TBL2: variants seen among roughly 807,000 people sequenced by gnomAD.
TBL2 encodes transducin beta like 2, also known as transducin beta-like protein 2.
A neutral mutation model predicts 41.8 loss-of-function variants in TBL2; 33 were observed. The ratio of observed to expected loss-of-function variants is 0.79; its 90% CI spans 0.60 to 1.06. The LOEUF is 1.06. Among genes scored for constraint, TBL2 ranks in the 50% least tolerant of loss-of-function variants. The pLI is 0.00. For synonymous variants in TBL2, 239 were observed against 241.7 expected (o/e 0.99, Z 0.10); for missense variants, 522 against 603.8 (o/e 0.86, Z 1.42).
chr7:73,578,248 G>A (rs1793463893), intron 1 of TBL2, 172 bp downstream of exon 1: 6 of 1,531,708 alleles, frequency 3.9e-6, no homozygotes, highest in Admixed American at 2.0e-5. Context: ...CGCCTAACCC[G>A]GCAAGGCGGG....
intron 1 of TBL2, 189 bp downstream of exon 1, chr7:73,578,231 G>A: frequency 6.5e-7 from 1 of 1,529,980 alleles, no homozygotes; most frequent in Non-Finnish European, 8.7e-7. Context: ...TCCCGCCCCA[G>A]GAGGTGCGCC....
chr7:73,574,556 A>G, intron 1 of TBL2, 43 bp from the exon 2 acceptor site: 1 of 1,613,912 alleles, frequency 6.2e-7, no homozygotes, highest in Non-Finnish European at 8.5e-7. Context: ...CTCACTGATA[A>G]GCATTTACTG....
intron 1 of TBL2, 50 bp from the exon 2 acceptor site, chr7:73,574,563 AC>A (rs1554588533): frequency 5.6e-6 from 9 of 1,613,392 alleles, no homozygotes; most frequent in Non-Finnish European, 7.6e-6. Context: ...ATAAGCATTT[AC>A]TGCCCACCTA....
chr7:73,568,746 G>A lies in TBL2; in HGVS notation c.*1761C>T, dbSNP rs923072806. Among the ~76,000 whole-genome samples the A allele has an allele frequency of 1.9e-4, 29 of 152,076 alleles. No individual in the cohort carries two copies. The highest frequency in any genetic ancestry group is 1.2e-3 in the East Asian group (6 of 5,186). On this transcript the variant is annotated 3_prime_UTR_variant, in exon 7 of 7. Transcript: ENST00000305632. ...GTTCGAGAGCAGCCTGGCCAACATC[G>A]TGAAACCCTGTCTCTACTAAAAATA...
At chr7:73,573,767 C>T in intron 3 of TBL2, 171 bp downstream of exon 3, 1 of 842,876 alleles carries the variant, frequency 1.2e-6, no homozygotes. Flanking sequence ...TATAGCAGCC[C>T]AGATCTCCAG....
intron 5 of TBL2, chr7:73,572,070 CA>C (rs1375931053): frequency 6.4e-6 from 1 of 156,386 alleles, no homozygotes; most frequent in Non-Finnish European, 1.4e-5. Context: ...TCTCAAAAAA[CA>C]AACAAACAAC....
intron 1 of TBL2, among the ~76,000 whole-genome samples, chr7:73,577,737 GGACTCAC>G: frequency 6.6e-6 from 1 of 152,124 alleles, no homozygotes; most frequent in East Asian, 1.9e-4. Flanking sequence ...TTGAATTCCT[GGACTCAC>G]GACACCCTCC....
In TBL2 at chr7:73,568,445, C is replaced by G. The variant is rs1185668025; in HGVS notation, c.*2062G>C. On this transcript the variant is annotated 3_prime_UTR_variant, in exon 7 of 7. Transcript: ENST00000305632. Reference sequence around the variant, plus strand: ...GGATTCCTGAATAAGTAGCAGCCACCCCCCATCCTGCAGGCAGGACACAAG... The same window carrying G: ...GGATTCCTGAATAAGTAGCAGCCACGCCCCATCCTGCAGGCAGGACACAAG... Among the ~76,000 whole-genome samples the G allele has an allele frequency of 1.3e-5, 2 of 152,098 alleles. No homozygotes were observed. The highest frequency in any genetic ancestry group is 2.9e-5 in the Non-Finnish European group (2 of 68,006).
At chr7:73,578,361 C>T (rs782791307) in intron 1 of TBL2, 59 bp downstream of exon 1, 3 of 1,528,790 alleles carry the variant, frequency 2.0e-6, no homozygotes, top group Non-Finnish European at 2.6e-6. Flanking sequence ...GGTCGGACCA[C>T]GAGGAGGCCG....
In TBL2 at chr7:73,567,648, A is replaced by C. The variant is rs1241386313; in HGVS notation, c.*2859T>G. 1.3e-5 allele frequency among the ~76,000 whole-genome samples: 2 copies of C among 152,228 alleles called. No homozygotes were observed. Among genetic ancestry groups the C allele is most frequent in the Non-Finnish European group, 2.9e-5 (2 of 68,038 alleles). On this transcript the variant is annotated 3_prime_UTR_variant, in exon 7 of 7. Transcript: ENST00000305632. ...TCACATGCAGGATTTTTGATTAAAA[A>C]AAAGAAAAACCTTGGTGGCCTCTGC... is the stretch of plus-strand genomic sequence containing the variant.
chr7:73,572,164 G>A (rs940713732), intron 5 of TBL2: 6 of 159,154 alleles, frequency 3.8e-5, no homozygotes, highest in African/African-American at 1.4e-4. Flanking sequence ...CCCGCCCAAA[G>A]GTGGCTTGGC....
Position 73,569,606 on chromosome 7 carries a change from A to G in TBL2, c.*901T>C, listed in dbSNP as rs781801677. 1.3e-5 allele frequency: 2 copies of G among 152,180 alleles called. No individual in the cohort carries two copies. Among genetic ancestry groups the G allele is most frequent in the Non-Finnish European group, 2.9e-5 (2 of 68,048 alleles). The allele number at this position is 152,180 out of a possible 1,614,324, so 9.4% of individuals were successfully genotyped here. The stretch of plus-strand genomic sequence containing the variant: ...TGAATAAACTAACACAAAGCACTTA[A>G]TAAGGGTGTATCTCTCTCTCCCACC... On this transcript the variant is annotated 3_prime_UTR_variant, in exon 7 of 7. Transcript: ENST00000305632.
chr7:73,577,137 TGTAGTC>T (rs1554589109), intron 1 of TBL2, among the ~76,000 whole-genome samples: 1 of 151,738 alleles, frequency 6.6e-6, no homozygotes, highest in Non-Finnish European at 1.5e-5. Flanking sequence ...GTCGGACGCC[TGTAGTC>T]CCAGCTACTC....
At position 73,571,219 on chromosome 7, in the gene TBL2, T is replaced by C. The variant is rs372632701; in HGVS notation, c.848A>G (p.His283Arg). The C allele has an allele frequency of 6.2e-7, 1 of 1,614,160 alleles. No individual in the cohort carries two copies. Among genetic ancestry groups the C allele is most frequent in the African/African-American group, 1.3e-5 (1 of 75,056 alleles). ...FELKGHSAAV[H>R]SFAFSNDSRR... ...TGAGTCGTTGGAGAAAGCAAACGAG[T>C]GCACAGCCGCGGAGTGGCCCTTTAG... The change falls in exon 6 of 7, where the codon CAC becomes CGC. Residue 283 changes from histidine to arginine, a missense_variant. His to Arg is a conservative substitution (Grantham distance 29, BLOSUM62 0). Transcript: ENST00000305632.
rs1365627429 is a variant in TBL2 at position 73,568,213 on chromosome 7, A to G, written c.*2294T>C. On this transcript the variant is annotated 3_prime_UTR_variant, in exon 7 of 7. Coordinates refer to ENST00000305632, the MANE Select transcript of TBL2 (RefSeq NM_012453.4). Reference sequence around the variant, plus strand: ...ATTGAGTGCTTACACTGTCCCAGGTACTGTGCCTGGACCACAGAGCTGACA... The same window carrying G: ...ATTGAGTGCTTACACTGTCCCAGGTGCTGTGCCTGGACCACAGAGCTGACA... 2.0e-5 allele frequency among the ~76,000 whole-genome samples: 3 copies of G among 152,082 alleles called. No individual in the cohort carries two copies. Among genetic ancestry groups the G allele is most frequent in the Admixed American group, 6.6e-5 (1 of 15,252 alleles).
chr7:73,573,152 G>A, intron 4 of TBL2, 168 bp downstream of exon 4: 1 of 1,349,636 alleles, frequency 7.4e-7, no homozygotes, highest in Non-Finnish European at 1.0e-6. Context: ...GGGACCTGGT[G>A]TGGCCCAGGG....
chr7:73,573,232 C>G, intron 4 of TBL2, 88 bp downstream of exon 4: 1 of 1,556,516 alleles, frequency 6.4e-7, no homozygotes, highest in South Asian at 1.2e-5. Context: ...TTGAGCAGAA[C>G]TTTCAGGCAG....
Position 73,578,576 on chromosome 7 carries a change from T to G in TBL2, c.-27A>C. The G allele has an allele frequency of 6.3e-7, 1 of 1,575,454 alleles. No individual in the cohort carries two copies. Among genetic ancestry groups the G allele is most frequent in the Non-Finnish European group, 8.6e-7 (1 of 1,163,616 alleles). On this transcript the variant is annotated 5_prime_UTR_variant, in exon 1 of 7. Coordinates refer to ENST00000305632, the MANE Select transcript of TBL2 (RefSeq NM_012453.4). ...TTGGTGGAACCACTGCCACCTCAGC[T>G]AGTGAGTACGCGGGCGCCCGCACGG...
intron 3 of TBL2, 77 bp from the exon 4 acceptor site, chr7:73,573,548 C>A: frequency 6.3e-7 from 1 of 1,576,452 alleles, no homozygotes; most frequent in South Asian, 1.1e-5. Context: ...GCTGGGTTCT[C>A]GGGGAAGTCA....
Sources: allele counts gnomAD v4.1 joint callset (sites outside exome capture counted in the v4.1 genomes callset), GRCh38; gene constraint gnomAD v4.1.1; transcripts MANE v1.5; gene names NCBI Gene and HGNC (gene_info 2026-07-23, HGNC 2026-07-21).